Variants in SLC26A11 observed in about 807,000 individuals in gnomAD.
SLC26A11 encodes solute carrier family 26 member 11, also known as sodium-independent sulfate anion transporter.
A neutral mutation model predicts 62.2 loss-of-function variants in SLC26A11; 58 were observed. That is an observed-to-expected ratio of 0.93 (90% confidence interval 0.76 to 1.16). The LOEUF (loss-of-function observed/expected upper bound fraction) is 1.16. Ranked by LOEUF, SLC26A11 falls within the 50% of genes most tolerant of loss-of-function variation. The pLI, the probability that SLC26A11 is intolerant of heterozygous loss-of-function variation, is 0.00. For missense variants in SLC26A11, 790 were observed against 794.3 expected (o/e 0.99, Z 0.06); for synonymous variants, 411 against 368.9 (o/e 1.11, Z -1.31).
chr17:80,242,522 T>C (rs915543198), intron 10 of SLC26A11, among the ~76,000 whole-genome samples: 17 of 152,268 alleles, frequency 1.1e-4, no homozygotes, highest in Middle Eastern at 6.8e-3. Context: ...GAGAGGAGTC[T>C]TCTGATTGTG....
At chr17:80,221,961 A>G in intron 3 of SLC26A11, 167 bp downstream of exon 3, 1 of 710,952 alleles carries the variant, frequency 1.4e-6, no homozygotes, top group African/African-American at 1.8e-5. Flanking sequence ...CCAGGCTCCT[A>G]TGCCTGTTTG....
intron 14 of SLC26A11, 96 bp from the exon 15 acceptor site, chr17:80,248,479 A>G: frequency 7.3e-7 from 1 of 1,366,806 alleles, no homozygotes; most frequent in Non-Finnish European, 9.9e-7. Context: ...CCCCTGCAGC[A>G]CACTAGGTTG....
rs914157270 is a variant in SLC26A11 at position 80,222,069 on chromosome 17, C to T, written c.234+275C>T. ...CAGCCCGACCAAAATGGTGAAACCC[C>T]GTCTCCACTAAAAATACAAAAATTA... On this transcript the variant is annotated intron_variant, in intron 3 of 17. Transcript: ENST00000361193. The surrounding 1 kb of genome is among the most constrained non-coding windows in gnomAD (Gnocchi z 4.7). The T allele has an allele frequency of 9.4e-6, 4 of 424,972 alleles. No homozygotes were observed. Among genetic ancestry groups the T allele is most frequent in the South Asian group, 9.2e-5 (2 of 21,674 alleles). The allele number at this position is 424,972 out of a possible 1,614,324, so 26.3% of individuals were successfully genotyped here.
Position 80,251,344 on chromosome 17 carries a change from G to C in SLC26A11, c.1672G>C (p.Val558Leu). The C allele has an allele frequency of 6.2e-7, 1 of 1,614,086 alleles. No individual in the cohort carries two copies. The change falls in exon 17 of 18, where the codon GTC (valine) becomes CTC (leucine). Residue 558 changes from valine (V) to leucine (L), a missense_variant. Val to Leu is a conservative substitution (Grantham distance 32). Coordinates refer to ENST00000361193, the MANE Select transcript of SLC26A11 (RefSeq NM_001166347.2). ...FVGLQVPVLRVLLSADLKGFQ... is the reference protein window; with the variant it reads ...FVGLQVPVLRLLLSADLKGFQ... ...TGTCTCTCAGGTCCCCGTTCTCCGTGTCCTGCTGTCCGCTGACCTGAAGGG... is the reference window on the plus strand; with the variant it reads ...TGTCTCTCAGGTCCCCGTTCTCCGTCTCCTGCTGTCCGCTGACCTGAAGGG...
At position 80,222,943 on chromosome 17, in the gene SLC26A11, T is replaced by G. The variant is rs1432929787; in HGVS notation, c.427+96T>G. ...TCCCCGTGTGCGTGTGTGTGCGTGTTGGGGTGTGGGTATGTATGTGTGTGT... is the reference window on the plus strand; with the variant it reads ...TCCCCGTGTGCGTGTGTGTGCGTGTGGGGGTGTGGGTATGTATGTGTGTGT... On this transcript the variant is annotated intron_variant, in intron 4 of 17. Coordinates refer to ENST00000361193, the MANE Select transcript of SLC26A11 (RefSeq NM_001166347.2). This position sits in a 1 kb window ranked among gnomAD's most constrained non-coding sequence, Gnocchi z 4.7. The G allele has an allele frequency of 5.4e-6, 7 of 1,285,432 alleles. No homozygotes were observed. The highest frequency in any genetic ancestry group is 3.8e-5 in the Admixed American group (2 of 52,684). The allele number at this position is 1,285,432 out of a possible 1,614,324, so 79.6% of individuals were successfully genotyped here. A position where few individuals can be genotyped will look rare whatever the true frequency, so the allele number is the denominator to read the frequency against.
In SLC26A11 at chr17:80,223,037, C is replaced by A; in HGVS notation, c.427+190C>A. 1 of 731,904 alleles carries A rather than the reference C, an allele frequency of 1.4e-6. No individual in the cohort carries two copies. Among genetic ancestry groups the A allele is most frequent in the Non-Finnish European group, 2.2e-6 (1 of 445,984 alleles). The allele number at this position is 731,904 out of a possible 1,614,324, so 45.3% of individuals were successfully genotyped here. Reference sequence around the variant, plus strand: ...TAGTCTACTCTTTTCTGCTTAGAGGCCAGGACACTTGGAGAAGTGCCTGTG... The same window carrying A: ...TAGTCTACTCTTTTCTGCTTAGAGGACAGGACACTTGGAGAAGTGCCTGTG... On this transcript the variant is annotated intron_variant, in intron 4 of 17. Coordinates refer to ENST00000361193, the MANE Select transcript of SLC26A11 (RefSeq NM_001166347.2). The surrounding 1 kb of genome is among the most constrained non-coding windows in gnomAD (Gnocchi z 4.6).
In SLC26A11 at chr17:80,223,081, C is replaced by T; in HGVS notation, c.428-171C>T. 6 of 742,240 alleles carry T rather than the reference C, an allele frequency of 8.1e-6. No individual in the cohort carries two copies. Among genetic ancestry groups the T allele is most frequent in the Non-Finnish European group, 1.4e-5 (6 of 440,726 alleles). 46.0% of individuals were successfully genotyped at this position (742,240 alleles called of 1,614,324 possible). A position where few individuals can be genotyped will look rare whatever the true frequency, so the allele number is the denominator to read the frequency against. ...GCCTGTGGCCTCAGACCCCAGTCTCCCTTTTCTGCTCTCCAAAAACAGCCA... is the reference window on the plus strand; with the variant it reads ...GCCTGTGGCCTCAGACCCCAGTCTCTCTTTTCTGCTCTCCAAAAACAGCCA... On this transcript the variant is annotated intron_variant, in intron 4 of 17. Coordinates refer to ENST00000361193, the MANE Select transcript of SLC26A11 (RefSeq NM_001166347.2). This position sits in a 1 kb window ranked among gnomAD's most constrained non-coding sequence, Gnocchi z 4.6.
chr17:80,246,077 A>G lies in SLC26A11; in HGVS notation c.1098-77A>G. The G allele has an allele frequency of 6.5e-7, 1 of 1,536,956 alleles. No individual in the cohort carries two copies. Among genetic ancestry groups the G allele is most frequent in the Non-Finnish European group, 9.0e-7 (1 of 1,111,026 alleles). On this transcript the variant is annotated intron_variant, in intron 11 of 17. Coordinates refer to ENST00000361193, the MANE Select transcript of SLC26A11 (RefSeq NM_001166347.2). This position sits in a 1 kb window ranked among gnomAD's most constrained non-coding sequence, Gnocchi z 4.4. The stretch of plus-strand genomic sequence containing the variant: ...CTGGGAGCTGACGTCCCCTCGGAAG[A>G]TCAGCCACAGGAGTGTGGACTGAGG...
At position 80,221,529 on chromosome 17, in the gene SLC26A11, T is replaced by G; in HGVS notation, c.-13-19T>G. ...AGGCCACGCTCTGACTGCTGGTCTG[T>G]GTCACCTGCACCCCCCAGCCCCACC... On this transcript the variant is annotated intron_variant, in intron 2 of 17. Coordinates refer to ENST00000361193, the MANE Select transcript of SLC26A11 (RefSeq NM_001166347.2). 3 of 1,508,444 alleles carry G rather than the reference T, an allele frequency of 2.0e-6. No individual in the cohort carries two copies. Among genetic ancestry groups the G allele is most frequent in the Non-Finnish European group, 2.7e-6 (3 of 1,124,892 alleles). 93.4% of individuals were successfully genotyped at this position (1,508,444 alleles called of 1,614,324 possible).
At chr17:80,225,041 G>A (rs780895586) in intron 5 of SLC26A11, among the ~76,000 whole-genome samples, 1 of 151,974 alleles carries the variant, frequency 6.6e-6, no homozygotes, top group Non-Finnish European at 1.5e-5. Context: ...GGTCTCAGGC[G>A]ATGTAAAGAA....
intron 7 of SLC26A11, among the ~76,000 whole-genome samples, chr17:80,230,752 G>A (rs764316057): frequency 4.6e-5 from 7 of 152,220 alleles, no homozygotes; most frequent in Non-Finnish European, 7.3e-5. Flanking sequence ...AACATTTACA[G>A]TGTAGGGCTG....
chr17:80,237,427 C>T, intron 8 of SLC26A11, 95 bp from the exon 9 acceptor site: 1 of 1,179,662 alleles, frequency 8.5e-7, no homozygotes, highest in East Asian at 2.6e-5. Flanking sequence ...GCTCCTGTTA[C>T]CTGTGGGGCG....
In SLC26A11 at chr17:80,221,756, G is replaced by T. The variant is rs1218219651; in HGVS notation, c.196G>T (p.Ala66Ser). Reference protein sequence around the residue: ...LSVGLTAIPQALAYAEVAGLP... With the variant: ...LSVGLTAIPQSLAYAEVAGLP... ...AGTTGGCCTCACTGCCATTCCCCAGGCGCTGGCCTATGCTGAAGTGGCTGG... is the reference window on the plus strand; with the variant it reads ...AGTTGGCCTCACTGCCATTCCCCAGTCGCTGGCCTATGCTGAAGTGGCTGG... The change falls in exon 3 of 18, where the codon GCG (alanine) becomes TCG (serine). Residue 66 changes from alanine to serine, a missense_variant. By Grantham distance (99) the Ala-to-Ser change is moderately conservative. Coordinates refer to ENST00000361193, the MANE Select transcript of SLC26A11 (RefSeq NM_001166347.2). 6.2e-7 allele frequency: 1 copy of T among 1,613,234 alleles called. No individual in the cohort carries two copies. The highest frequency in any genetic ancestry group is 1.1e-5 in the South Asian group (1 of 91,082).
intron 5 of SLC26A11, among the ~76,000 whole-genome samples, chr17:80,224,502 C>G (rs1414629166): frequency 1.3e-5 from 2 of 152,074 alleles, no homozygotes; most frequent in African/African-American, 4.8e-5. Context: ...ACTTTTTGCA[C>G]TCTTGCTACG....
At chr17:80,251,737 T>G (rs1440695277) in intron 17 of SLC26A11, among the ~76,000 whole-genome samples, 7 of 145,662 alleles carry the variant, frequency 4.8e-5, no homozygotes, top group African/African-American at 1.5e-4. Context: ...CACTCCAGCC[T>G]GGGTGAGAGA....
At chr17:80,244,974 CAA>C (rs34294039) in intron 10 of SLC26A11, among the ~76,000 whole-genome samples, 1,229 of 67,580 alleles carry the variant, frequency 0.018, 15 homozygotes, top group African/African-American at 0.075. Context: ...GACTCTGTCT[CAA>C]AAAAAAAAAA....
chr17:80,246,184 C>G lies in SLC26A11; in HGVS notation c.1128C>G (p.Cys376Trp), dbSNP rs1460970510. The G allele has an allele frequency of 5.0e-6, 8 of 1,612,610 alleles. No homozygotes were observed. The highest frequency in any genetic ancestry group is 6.8e-6 in the Non-Finnish European group (8 of 1,179,846). ...RTAVNAQSGV[C>W]TPAGGLVTGV... ...CCGTGAACGCTCAGTCGGGGGTGTG[C>G]ACCCCGGCGGGGGGCCTGGTGACGG... Residue 376 changes from cysteine (C) to tryptophan (W), a missense_variant, in exon 12 of 18, where the codon TGC (cysteine) becomes TGG (tryptophan). Cys to Trp is a radical substitution (Grantham distance 215, BLOSUM62 -2). Coordinates refer to ENST00000361193, the MANE Select transcript of SLC26A11 (RefSeq NM_001166347.2). This position sits in a 1 kb window ranked among gnomAD's most constrained non-coding sequence, Gnocchi z 4.4.
At chr17:80,237,138 A>G in intron 8 of SLC26A11, 35 bp downstream of exon 8, 1 of 1,594,700 alleles carries the variant, frequency 6.3e-7, no homozygotes. Context: ...GGCGTGGCTG[A>G]GGCTGCGGTG....
At chr17:80,251,272 G>C (rs1274194333) in intron 16 of SLC26A11, 57 bp from the exon 17 acceptor site, 6 of 1,613,320 alleles carry the variant, frequency 3.7e-6, no homozygotes, top group Non-Finnish European at 5.1e-6. Flanking sequence ...CCAGGCTGCC[G>C]ACCCGTGTGC....
Sources: allele counts gnomAD v4.1 joint callset (sites outside exome capture counted in the v4.1 genomes callset), GRCh38; gene constraint gnomAD v4.1.1; non-coding constraint Gnocchi (gnomAD v3.1); transcripts MANE v1.5; gene names NCBI Gene and HGNC (gene_info 2026-07-23, HGNC 2026-07-21).